Variants in CD9 observed in about 807,000 individuals in gnomAD.
CD9 encodes CD9 molecule.
In CD9, 10 loss-of-function variants were observed where a neutral mutation model predicts 31.4. That is an observed-to-expected ratio of 0.32 (90% CI 0.20 to 0.54). CD9 has a LOEUF of 0.54. Among genes scored for constraint, CD9 ranks in the 20% least tolerant of loss-of-function variants. The pLI is 0.94. For synonymous variants in CD9, 113 were observed against 114.1 expected, an observed-to-expected ratio of 0.99 and a Z score of 0.06; for missense variants, 259 against 300.1, an observed-to-expected ratio of 0.86 and a Z score of 1.01.
At chr12:6,225,190 A>G (rs1591973895) in intron 1 of CD9, 2 of 545,054 alleles carry the variant, frequency 3.7e-6, no homozygotes, top group Non-Finnish European at 6.5e-6. Context: ...CCTATAAAAT[A>G]CCCCTTCAGC....
chr12:6,223,451 C>G (rs369502133), intron 1 of CD9, among the ~76,000 whole-genome samples: 1 of 152,012 alleles, frequency 6.6e-6, no homozygotes, highest in East Asian at 1.9e-4. Flanking sequence ...TTAGTGGAGA[C>G]GGGGTTTCAC....
intron 2 of CD9, among the ~76,000 whole-genome samples, chr12:6,227,039 G>T (rs1464567314): frequency 2.0e-5 from 3 of 152,198 alleles, no homozygotes. Context: ...GAGAGACTCA[G>T]TCCTCCCTTG....
intron 1 of CD9, among the ~76,000 whole-genome samples, chr12:6,208,051 C>T (rs932257583): frequency 1.3e-5 from 2 of 151,972 alleles, no homozygotes; most frequent in Non-Finnish European, 2.9e-5. Context: ...ATGGAAAAAC[C>T]CCCTCTCTAC....
intron 1 of CD9, 63 bp downstream of exon 1, chr12:6,200,628 T>C (rs980244173): frequency 3.4e-6 from 4 of 1,171,072 alleles, no homozygotes; most frequent in Non-Finnish European, 5.1e-6. Context: ...CCCCGGACAC[T>C]GGCCGCGGCC....
At chr12:6,228,840 G>A (rs1946404270) in intron 2 of CD9, among the ~76,000 whole-genome samples, 1 of 152,178 alleles carries the variant, frequency 6.6e-6, no homozygotes, top group Non-Finnish European at 1.5e-5. Flanking sequence ...CTTGCACTGG[G>A]CCACCAACTG....
chr12:6,209,887 G>A (rs946683792), intron 1 of CD9, among the ~76,000 whole-genome samples: 8 of 152,066 alleles, frequency 5.3e-5, no homozygotes, highest in Non-Finnish European at 7.4e-5. Context: ...GTTTTGCCAC[G>A]TTGACCAGGC....
intron 5 of CD9, 42 bp from the exon 6 acceptor site, chr12:6,235,434 C>A (rs2072372): frequency 0.52 from 846,180 of 1,612,206 alleles, 225,565 homozygotes; most frequent in African/African-American, 0.76. Context: ...CGTCTTCTTA[C>A]AATTTGTTTC....
rs11568286 is a variant in CD9, at chr12:6,227,387, G to A, written c.175+1853G>A. 3.4e-4 allele frequency among the ~76,000 whole-genome samples: 51 copies of A among 152,108 alleles called. 1 individual carries two copies. The highest frequency in any genetic ancestry group is 6.5e-4 in the Non-Finnish European group (44 of 67,970). On this transcript the variant is annotated intron_variant, in intron 2 of 7. Coordinates refer to ENST00000009180, the MANE Select transcript of CD9 (RefSeq NM_001769.4). Reference sequence around the variant, plus strand: ...CTGATTTTGTATTTTTAGTACAGACGGGGTTTCTCCATGTTGGTCAGGCTC... The same window carrying A: ...CTGATTTTGTATTTTTAGTACAGACAGGGTTTCTCCATGTTGGTCAGGCTC...
At chr12:6,236,677 G>C (rs1946527458) in intron 7 of CD9, 1 of 410,418 alleles carries the variant, frequency 2.4e-6, no homozygotes, top group East Asian at 3.5e-5. Flanking sequence ...ATCTGAACAT[G>C]GGCAGCCAGA....
intron 6 of CD9, chr12:6,235,985 C>T: frequency 7.0e-7 from 1 of 1,421,218 alleles, no homozygotes; most frequent in Non-Finnish European, 9.2e-7. Context: ...TGACGTCCTG[C>T]CCAGATTTTA....
At position 6,235,250 on chromosome 12, in the gene CD9, T is replaced by G. The variant is rs948745449; in HGVS notation, c.370T>G (p.Phe124Val). 3.1e-6 allele frequency: 5 copies of G among 1,605,984 alleles called. No individual in the cohort carries two copies. The highest frequency in any genetic ancestry group is 3.4e-6 in the Non-Finnish European group (4 of 1,173,268). ...KDEVIKEVQEFYKDTYNKLKT... is the reference protein window; with the variant it reads ...KDEVIKEVQEVYKDTYNKLKT... The stretch of plus-strand genomic sequence containing the variant: ...GTAGGTGATTAAGGAAGTCCAGGAG[T>G]TTTACAAGGACACCTACAACAAGCT... Residue 124 changes from phenylalanine to valine, a missense_variant, in exon 5 of 8, where the codon TTT becomes GTT. Transcript: ENST00000009180.
Position 6,235,275 on chromosome 12 carries a change from T to G in CD9, c.395T>G (p.Leu132Arg), listed in dbSNP as rs781068986. The change falls in exon 5 of 8, where the codon CTG becomes CGG. Residue 132 changes from leucine to arginine, a missense_variant. Coordinates refer to ENST00000009180, the MANE Select transcript of CD9 (RefSeq NM_001769.4). Reference protein sequence around the residue: ...QEFYKDTYNKLKTKDEPQRET... With the variant: ...QEFYKDTYNKRKTKDEPQRET... Reference sequence around the variant, plus strand: ...TTTTACAAGGACACCTACAACAAGCTGAAAACCAAGGATGAGCCCCAGCGG... The same window carrying G: ...TTTTACAAGGACACCTACAACAAGCGGAAAACCAAGGATGAGCCCCAGCGG... 1 of 1,613,152 alleles carries G rather than the reference T, an allele frequency of 6.2e-7. No individual in the cohort carries two copies. The highest frequency in any genetic ancestry group is 1.3e-5 in the African/African-American group (1 of 74,922).
rs1432946071 is a variant in CD9, at chr12:6,232,979, G to GT, written c.273+253dup. The GT allele has an allele frequency of 2.1e-5, 15 of 702,262 alleles. No homozygotes were observed. In the Admixed American group the frequency reaches 3.0e-4, roughly 14 times the overall value. 43.5% of individuals were successfully genotyped at this position (702,262 alleles called of 1,614,324 possible). ...GTTTCCCCCTTTTCTCGAGGACCACGTTTGCTTTTTTTCCCTGAATCCACA... is the reference window on the plus strand; with the variant it reads ...GTTTCCCCCTTTTCTCGAGGACCACGTTTTGCTTTTTTTCCCTGAATCCACA... On this transcript the variant is annotated intron_variant, in intron 3 of 7. Transcript: ENST00000009180. This position sits in a 1 kb window ranked among gnomAD's most constrained non-coding sequence, Gnocchi z 4.8.
rs564662279 is a variant in CD9, at chr12:6,225,098, T to A, written c.67-328T>A. 4.6e-4 allele frequency: 133 copies of A among 286,030 alleles called. 1 individual carries two copies. The highest frequency in any genetic ancestry group is 2.8e-3 in the African/African-American group (128 of 46,022). 17.7% of individuals were successfully genotyped at this position (286,030 alleles called of 1,614,324 possible). Reference sequence around the variant, plus strand: ...TGTGTGTGCCTGTGGCTCTGGCTTCTTGGTTTAGCATTGTGAGATGCACTC... The same window carrying A: ...TGTGTGTGCCTGTGGCTCTGGCTTCATGGTTTAGCATTGTGAGATGCACTC... On this transcript the variant is annotated intron_variant, in intron 1 of 7. Coordinates refer to ENST00000009180, the MANE Select transcript of CD9 (RefSeq NM_001769.4).
chr12:6,232,874 C>T lies in CD9; in HGVS notation c.273+145C>T. The T allele has an allele frequency of 1.4e-6, 1 of 712,544 alleles. No individual in the cohort carries two copies. Among genetic ancestry groups the T allele is most frequent in the East Asian group, 2.7e-5 (1 of 37,306 alleles). 44.1% of individuals were successfully genotyped at this position (712,544 alleles called of 1,614,324 possible). On this transcript the variant is annotated intron_variant, in intron 3 of 7. Coordinates refer to ENST00000009180, the MANE Select transcript of CD9 (RefSeq NM_001769.4). This position sits in a 1 kb window ranked among gnomAD's most constrained non-coding sequence, Gnocchi z 4.8. ...GGCATGAGCTGTCCTCAGCCTGGGC[C>T]CCTCCCCGATGTGAGGCGTCGCCCC...
At chr12:6,226,677 G>A (rs574322533) in intron 2 of CD9, among the ~76,000 whole-genome samples, 1 of 152,122 alleles carries the variant, frequency 6.6e-6, no homozygotes. Flanking sequence ...GTTAGCTGGG[G>A]TTTTTTGGGG....
chr12:6,235,892 G>C, intron 6 of CD9: 1 of 1,369,350 alleles, frequency 7.3e-7, no homozygotes, highest in Non-Finnish European at 9.4e-7. Flanking sequence ...CAGAGTTAAT[G>C]TCCAACTCCA....
intron 1 of CD9, among the ~76,000 whole-genome samples, chr12:6,216,002 T>C (rs911386761): frequency 2.0e-5 from 3 of 152,142 alleles, no homozygotes; most frequent in Non-Finnish European, 4.4e-5. Context: ...AGCCCCAGCC[T>C]TCATTTGGAG....
intron 1 of CD9, among the ~76,000 whole-genome samples, chr12:6,208,708 A>C (rs1157831055): frequency 1.3e-5 from 2 of 151,634 alleles, no homozygotes; most frequent in Non-Finnish European, 2.9e-5. Context: ...AGTAGTTGGG[A>C]TTACAGGGGT....
Sources: allele counts gnomAD v4.1 joint callset (sites outside exome capture counted in the v4.1 genomes callset), GRCh38; gene constraint gnomAD v4.1.1; non-coding constraint Gnocchi (gnomAD v3.1); transcripts MANE v1.5; gene names NCBI Gene and HGNC (gene_info 2026-07-23, HGNC 2026-07-21).